The following PSG5 variants were observed in gnomAD, a reference collection of about 807,000 sequenced individuals.
The protein encoded by PSG5 is pregnancy-specific beta-1-glycoprotein 5.
In PSG5, 53 loss-of-function variants were observed where a neutral mutation model predicts 37.7. That is an observed-to-expected ratio of 1.41 (90% CI 1.13 to 1.77). The LOEUF (loss-of-function observed/expected upper bound fraction) is 1.77. PSG5 is among the 40% of genes most tolerant of loss of function. The probability of loss-of-function intolerance (pLI) is 0.00; values close to 1 mark genes in which losing one functional copy is unlikely to be tolerated. For missense variants in PSG5, 547 were observed against 405.2 expected (o/e 1.35, Z -3.00); for synonymous variants, 221 against 155.4 (o/e 1.42, Z -3.14).
At chr19:43,178,989 C>A (rs531526217) in intron 2 of PSG5, 5 of 1,612,576 alleles carry the variant, frequency 3.1e-6, no homozygotes, top group Non-Finnish European at 4.2e-6. Flanking sequence ...AAAGAGGGTC[C>A]TGTTGGTTTT....
intron 2 of PSG5, among the ~76,000 whole-genome samples, chr19:43,181,519 C>T (rs1181724076): frequency 2.0e-5 from 3 of 151,718 alleles, no homozygotes; most frequent in East Asian, 1.9e-4. Context: ...AGTGCAGTGG[C>T]ATGATCTCAG....
chr19:43,182,549 C>A (rs918821906), intron 2 of PSG5, among the ~76,000 whole-genome samples: 13 of 151,096 alleles, frequency 8.6e-5, no homozygotes, highest in Non-Finnish European at 1.8e-4. Context: ...CAGCAGTACT[C>A]ATTTTTTAGT....
Position 43,185,149 on chromosome 19 carries a change from T to C in PSG5, c.65-2A>G, listed in dbSNP as rs374461183. 114 of 1,596,506 alleles carry C rather than the reference T, an allele frequency of 7.1e-5. 3 individuals carry two copies. Among genetic ancestry groups the C allele is most frequent in the Non-Finnish European group, 9.2e-5 (108 of 1,170,864 alleles). ...GGTTCCAGAAGTTTAAAAGTGATGC[T>C]AGGAGGTGGAGAAAGCACCAGTCAA... On this transcript the variant is annotated splice_acceptor_variant, in intron 1 of 5. Coordinates refer to ENST00000342951, the MANE Select transcript of PSG5 (RefSeq NM_002781.4). LOFTEE classifies it high-confidence loss of function.
chr19:43,183,683 C>T lies in PSG5; in HGVS notation c.430+1099G>A, dbSNP rs906789419. Among the ~76,000 whole-genome samples the T allele has an allele frequency of 2.6e-5, 4 of 151,346 alleles. 1 individual carries two copies. Among genetic ancestry groups the T allele is most frequent in the African/African-American group, 9.8e-5 (4 of 40,982 alleles). On this transcript the variant is annotated intron_variant, in intron 2 of 5. Coordinates refer to ENST00000342951, the MANE Select transcript of PSG5 (RefSeq NM_002781.4). Reference sequence around the variant, plus strand: ...CAGCTGACCATTTGCTCTCACTCCTCTGAGGTTTAGAAGCCTAAGAAGAGA... The same window carrying T: ...CAGCTGACCATTTGCTCTCACTCCTTTGAGGTTTAGAAGCCTAAGAAGAGA...
rs140004124 is a variant in PSG5, at chr19:43,182,487, G to C, written c.430+2295C>G. Reference sequence around the variant, plus strand: ...GTGGTCCCTACCTGGAGGCAGATTCGAGCACAAACAGATCATTTCCCTCTG... The same window carrying C: ...GTGGTCCCTACCTGGAGGCAGATTCCAGCACAAACAGATCATTTCCCTCTG... On this transcript the variant is annotated intron_variant, in intron 2 of 5. Transcript: ENST00000342951. 4.0e-3 allele frequency among the ~76,000 whole-genome samples: 610 copies of C among 151,338 alleles called. 15 individuals are homozygous for C. Among genetic ancestry groups the C allele is most frequent in the African/African-American group, 0.014 (589 of 41,074 alleles).
In PSG5 at chr19:43,186,489, C is replaced by G. The variant is rs928534709; in HGVS notation, c.-84G>C. On this transcript the variant is annotated 5_prime_UTR_variant, in exon 1 of 6. Transcript: ENST00000342951. ...TGAGCACGGCTGTAGGCTGTGCTGT[C>G]CTTCCTCCTTCTGTGCTGAGCCTCT... The G allele has an allele frequency of 6.3e-7, 1 of 1,581,842 alleles. No individual in the cohort carries two copies. The highest frequency in any genetic ancestry group is 8.6e-7 in the Non-Finnish European group (1 of 1,160,950).
In PSG5 at chr19:43,185,102, G is replaced by A. The variant is rs374030789; in HGVS notation, c.110C>T (p.Thr37Met). Reference sequence around the variant, plus strand: ...AACTTTGGGTGGCAGGGCTTCAATCGTGACTTGAGCAGTGATAGGCAGGTT... The same window carrying A: ...AACTTTGGGTGGCAGGGCTTCAATCATGACTTGAGCAGTGATAGGCAGGTT... ...FWNLPITAQVTIEALPPKVSE... is the reference protein window; with the variant it reads ...FWNLPITAQVMIEALPPKVSE... The change falls in exon 2 of 6, where the codon ACG (threonine) becomes ATG (methionine). Residue 37 changes from threonine to methionine, a missense_variant. By Grantham distance (81) the Thr-to-Met change is moderately conservative. Coordinates refer to ENST00000342951, the MANE Select transcript of PSG5 (RefSeq NM_002781.4). 102 of 1,611,168 alleles carry A rather than the reference G, an allele frequency of 6.3e-5. 5 individuals carry two copies. In the African/African-American group the frequency reaches 8.6e-4, roughly 14 times the overall value.
At chr19:43,179,705 G>T (rs1159581168) in intron 2 of PSG5, among the ~76,000 whole-genome samples, 1 of 151,724 alleles carries the variant, frequency 6.6e-6, no homozygotes, top group Non-Finnish European at 1.5e-5. Context: ...CAAGCCTGGA[G>T]GTCAGTTCAG....
intron 2 of PSG5, chr19:43,178,948 G>T (rs1969069428): frequency 1.2e-6 from 2 of 1,612,820 alleles, no homozygotes; most frequent in Non-Finnish European, 1.7e-6. Context: ...CATTCATAGG[G>T]TCCTGCAATA....
intron 2 of PSG5, among the ~76,000 whole-genome samples, chr19:43,177,759 G>T (rs1264455953): frequency 1.3e-5 from 2 of 151,518 alleles, no homozygotes; most frequent in African/African-American, 4.9e-5. Context: ...TGCAAAAAAT[G>T]TTACTGGGAT....
rs1202696021 is a variant in PSG5, at chr19:43,185,140, A to G, written c.72T>C (p.Leu24=). Residue 24 remains leucine, a synonymous_variant, in exon 2 of 6, where the codon CTT becomes CTC. Coordinates refer to ENST00000342951, the MANE Select transcript of PSG5 (RefSeq NM_002781.4). ...TWKGLLLTAS[L]LNFWNLPITA... ...TGATAGGCAGGTTCCAGAAGTTTAA[A>G]AGTGATGCTAGGAGGTGGAGAAAGC... is the stretch of plus-strand genomic sequence containing the variant. The G allele has an allele frequency of 6.2e-7, 1 of 1,602,260 alleles. No homozygotes were observed. Among genetic ancestry groups the G allele is most frequent in the Non-Finnish European group, 8.5e-7 (1 of 1,173,616 alleles).
At chr19:43,185,281 CA>C in intron 1 of PSG5, 134 bp from the exon 2 acceptor site, 2 of 1,227,634 alleles carry the variant, frequency 1.6e-6, no homozygotes, top group Non-Finnish European at 2.3e-6. Flanking sequence ...CACACACACA[CA>C]AAAGGTGCAT....
At position 43,175,222 on chromosome 19, in the gene PSG5, T is replaced by G. The variant is rs1568371382; in HGVS notation, c.957A>C (p.Glu319Asp). The G allele has an allele frequency of 3.1e-6, 5 of 1,612,576 alleles. No homozygotes were observed. Among genetic ancestry groups the G allele is most frequent in the Non-Finnish European group, 4.2e-6 (5 of 1,179,166 alleles). ...GKESSKSMTV[E>D]VSAPSGIGRL... Reference sequence around the variant, plus strand: ...ATGCTGGGATCCACTTACCAGAGACTTCGACTGTCATGGATTTGGAGCTTT... The same window carrying G: ...ATGCTGGGATCCACTTACCAGAGACGTCGACTGTCATGGATTTGGAGCTTT... The change falls in exon 4 of 6, where the codon GAA becomes GAC. Residue 319 changes from glutamate to aspartate, a missense_variant. By Grantham distance (45) the Glu-to-Asp change is conservative. Coordinates refer to ENST00000342951, the MANE Select transcript of PSG5 (RefSeq NM_002781.4).
chr19:43,182,792 T>C lies in PSG5; in HGVS notation c.430+1990A>G, dbSNP rs549878894. ...GGAGGAACTGCCTATCCCTGTCCCA[T>C]TGTCTTGTCCACAGGTCAGCCTCAC... On this transcript the variant is annotated intron_variant, in intron 2 of 5. Transcript: ENST00000342951. Among the ~76,000 whole-genome samples, 42 of 144,452 alleles carry C rather than the reference T, an allele frequency of 2.9e-4. 1 individual carries two copies. The highest frequency in any genetic ancestry group is 1.1e-3 in the African/African-American group (42 of 38,120). The allele number at this position is 144,452 out of a possible 152,430, so 94.8% of individuals were successfully genotyped here. A position where few individuals can be genotyped will look rare whatever the true frequency, so the allele number is the denominator to read the frequency against.
intron 4 of PSG5, chr19:43,171,573 G>A: frequency 4.6e-6 from 2 of 433,592 alleles, no homozygotes; most frequent in Admixed American, 4.7e-5. Flanking sequence ...GGAAATTAAT[G>A]AAACCAAAAG....
At chr19:43,173,689 C>T (rs1159221981) in intron 4 of PSG5, among the ~76,000 whole-genome samples, 1 of 151,498 alleles carries the variant, frequency 6.6e-6, no homozygotes, top group Non-Finnish European at 1.5e-5. Flanking sequence ...CTTTGATAAA[C>T]AACAAAAATG....
rs753703148 is a variant in PSG5, at chr19:43,178,092, T to C, written c.431-1944A>G. On this transcript the variant is annotated intron_variant, in intron 2 of 5. Transcript: ENST00000342951. ...GGGGAAAGGCAAAAGCTGGTGGTTTTGGAGCAGAAACATACTCCCTGTGCT... is the reference window on the plus strand; with the variant it reads ...GGGGAAAGGCAAAAGCTGGTGGTTTCGGAGCAGAAACATACTCCCTGTGCT... Among the ~76,000 whole-genome samples the C allele has an allele frequency of 6.6e-5, 10 of 151,614 alleles. 1 individual carries two copies. Among genetic ancestry groups the C allele is most frequent in the Non-Finnish European group, 1.3e-4 (9 of 67,924 alleles).
chr19:43,178,161 C>T lies in PSG5; in HGVS notation c.431-2013G>A, dbSNP rs369114907. On this transcript the variant is annotated intron_variant, in intron 2 of 5. Transcript: ENST00000342951. ...CTCCCTTTGCAGAGGGCAGGTGGCTCTTCCCTGATAGCTAGATAGACTTCA... is the reference window on the plus strand; with the variant it reads ...CTCCCTTTGCAGAGGGCAGGTGGCTTTTCCCTGATAGCTAGATAGACTTCA... 7.9e-5 allele frequency among the ~76,000 whole-genome samples: 12 copies of T among 151,280 alleles called. 1 individual carries two copies. Among genetic ancestry groups the T allele is most frequent in the South Asian group, 2.1e-4 (1 of 4,804 alleles).
At chr19:43,172,578 A>G (rs2122206109) in intron 4 of PSG5, among the ~76,000 whole-genome samples, 1 of 151,870 alleles carries the variant, frequency 6.6e-6, no homozygotes, top group East Asian at 1.9e-4. Flanking sequence ...GTATTTCAAT[A>G]CACTAAACAT....
Sources: gnomAD v4.1 joint callset for allele counts (sites outside exome capture counted in the v4.1 genomes callset) on GRCh38, gnomAD v4.1.1 for gene constraint, MANE v1.5 for transcripts, NCBI Gene and HGNC (gene_info 2026-07-23, HGNC 2026-07-21) for gene names.